The following ESRRB variants were observed in gnomAD, a reference collection of about 807,000 sequenced individuals.
ESRRB encodes estrogen related receptor beta.
A neutral mutation model predicts 46.0 loss-of-function variants in ESRRB; 16 were observed. That is an observed-to-expected ratio of 0.35 (90% CI 0.24 to 0.53). ESRRB has a LOEUF of 0.53. Ranked by LOEUF, ESRRB falls within the 20% of genes least tolerant of loss-of-function variation. ESRRB has a pLI of 0.93. For synonymous variants in ESRRB, 246 were observed against 259.6 expected (o/e 0.95, Z 0.50); for missense variants, 488 against 607.4 (o/e 0.80, Z 2.07).
chr14:76,439,897 C>A lies in ESRRB; in HGVS notation c.460+147C>A, dbSNP rs1320933668. 6.0e-6 allele frequency: 5 copies of A among 833,796 alleles called. No individual in the cohort carries two copies. The East Asian group carries it at 1.3e-4, about 22-fold the overall frequency. 51.6% of individuals were successfully genotyped at this position (833,796 alleles called of 1,614,324 possible). A position where few individuals can be genotyped will look rare whatever the true frequency, so the allele number is the denominator to read the frequency against. ...CTTCTGTGGGGCGCCTTTTCCCTTG[C>A]TCAGGGCTTCTCATTCTGGCACTGG... On this transcript the variant is annotated intron_variant, in intron 2 of 6. Transcript: ENST00000644823.
At chr14:76,355,424 TC>T (rs989366985) in intron 1 of ESRRB, among the ~76,000 whole-genome samples, 1 of 151,872 alleles carries the variant, frequency 6.6e-6, no homozygotes, top group African/African-American at 2.4e-5. Context: ...GCCTCACCAC[TC>T]CCTCTTGGGC....
chr14:76,430,979 A>C (rs1887415723), intron 1 of ESRRB, among the ~76,000 whole-genome samples: 1 of 152,186 alleles, frequency 6.6e-6, no homozygotes, highest in South Asian at 2.1e-4. Context: ...TAGTGTGGGA[A>C]AGATCCTTGA....
At chr14:76,377,363 T>G (rs1388620327) in intron 1 of ESRRB, among the ~76,000 whole-genome samples, 1 of 152,052 alleles carries the variant, frequency 6.6e-6, no homozygotes, top group Non-Finnish European at 1.5e-5. Context: ...CACCTACGGT[T>G]TCCCTCCCGA....
upstream of ESRRB, among the ~76,000 whole-genome samples, chr14:76,370,088 G>A (rs1442299115): frequency 6.6e-6 from 1 of 152,108 alleles, no homozygotes; most frequent in African/African-American, 2.4e-5. Flanking sequence ...AATCAACTAT[G>A]TATGCTCAAA....
At chr14:76,453,447 T>C (rs529638978) in intron 2 of ESRRB, among the ~76,000 whole-genome samples, 123 of 152,200 alleles carry the variant, frequency 8.1e-4, no homozygotes, top group Non-Finnish European at 1.5e-3. Context: ...GATGACTCTG[T>C]GAAAAAAACA....
chr14:76,445,692 T>TA (rs1477957466), intron 2 of ESRRB, among the ~76,000 whole-genome samples: 1 of 150,394 alleles, frequency 6.6e-6, no homozygotes, highest in East Asian at 1.9e-4. Flanking sequence ...ATCTTTTTTT[T>TA]TTTTTTTTTT....
At chr14:76,464,062 T>C (rs1478689246) in intron 3 of ESRRB, among the ~76,000 whole-genome samples, 2 of 152,190 alleles carry the variant, frequency 1.3e-5, no homozygotes, top group Admixed American at 1.3e-4. Flanking sequence ...CGTGAGTGTA[T>C]GTGTTTCCCT....
Position 76,501,091 on chromosome 14 carries a change from C to A in ESRRB, c.*2633C>A, listed in dbSNP as rs1566622091. Reference sequence around the variant, plus strand: ...GTGAAGTGAGGAGAGTTTAGGGGAACCTTCCCCCAGTGGAACAGATCTCAA... The same window carrying A: ...GTGAAGTGAGGAGAGTTTAGGGGAAACTTCCCCCAGTGGAACAGATCTCAA... On this transcript the variant is annotated 3_prime_UTR_variant, in exon 7 of 7. Transcript: ENST00000644823. The A allele has an allele frequency of 9.9e-6, 3 of 302,514 alleles. No individual in the cohort carries two copies. The highest frequency in any genetic ancestry group is 6.2e-6 in the Non-Finnish European group (1 of 160,558). 18.7% of individuals were successfully genotyped at this position (302,514 alleles called of 1,614,324 possible).
intron 1 of ESRRB, among the ~76,000 whole-genome samples, chr14:76,355,241 A>T (rs1459235790): frequency 6.6e-6 from 1 of 152,182 alleles, no homozygotes; most frequent in Non-Finnish European, 1.5e-5. Flanking sequence ...AGGGACAGCT[A>T]CCAGGGCTGG....
chr14:76,383,771 T>C (rs1168684386), intron 1 of ESRRB, among the ~76,000 whole-genome samples: 8 of 152,122 alleles, frequency 5.3e-5, no homozygotes, highest in Admixed American at 2.0e-4. Flanking sequence ...ATGCCTATAA[T>C]TGGCCCCCCT....
At chr14:76,456,373 C>T (rs1888615123) in intron 2 of ESRRB, among the ~76,000 whole-genome samples, 1 of 152,086 alleles carries the variant, frequency 6.6e-6, no homozygotes, top group Non-Finnish European at 1.5e-5. Flanking sequence ...ATAAACTTGT[C>T]TGGGAAAGTT....
chr14:76,379,182 A>G (rs1038846024), intron 1 of ESRRB, among the ~76,000 whole-genome samples: 2 of 152,158 alleles, frequency 1.3e-5, no homozygotes, highest in African/African-American at 2.4e-5. Context: ...TCCTGTAGCC[A>G]ATCCTGTAGG....
chr14:76,333,068 ATATTATATATATTAT>A lies in ESRRB; in HGVS notation c.2+22154_2+22168del, dbSNP rs1884062694. ...TTATATATTATATATTATATATTAT[ATATTATATATATTAT>A]TTATATTATATATTATATATAATAT... On this transcript the variant is annotated intron_variant, in intron 1 of 6. Coordinates refer to the ESRRB transcript ENST00000512784. 3.4e-4 allele frequency among the ~76,000 whole-genome samples: 4 copies of A among 11,650 alleles called. 1 individual carries two copies. The highest frequency in any genetic ancestry group is 8.1e-4 in the African/African-American group (3 of 3,700). The allele number at this position is 11,650 out of a possible 152,430, so 7.6% of individuals were successfully genotyped here. A position where few individuals can be genotyped will look rare whatever the true frequency, so the allele number is the denominator to read the frequency against.
chr14:76,387,720 C>A (rs1885296971), intron 1 of ESRRB, among the ~76,000 whole-genome samples: 1 of 152,210 alleles, frequency 6.6e-6, no homozygotes, highest in Non-Finnish European at 1.5e-5. Context: ...GTGCAGCCAG[C>A]ACCATTTTCA....
intron 1 of ESRRB, among the ~76,000 whole-genome samples, chr14:76,415,294 C>T (rs1886649067): frequency 6.6e-6 from 1 of 152,126 alleles, no homozygotes; most frequent in Non-Finnish European, 1.5e-5. Context: ...GGAGAGTGAA[C>T]TTTATAGAAG....
chr14:76,367,490 A>G (rs776857184), upstream of ESRRB, among the ~76,000 whole-genome samples: 6 of 151,668 alleles, frequency 4.0e-5, no homozygotes, highest in Non-Finnish European at 5.9e-5. Flanking sequence ...CTGGGAAGTC[A>G]AGGCTGCAGT....
chr14:76,374,108 G>A (rs754723084), upstream of ESRRB, among the ~76,000 whole-genome samples: 2 of 152,046 alleles, frequency 1.3e-5, no homozygotes, highest in African/African-American at 2.4e-5. Flanking sequence ...GCAGGCTGTG[G>A]CACCCCACTC....
intron 1 of ESRRB, among the ~76,000 whole-genome samples, chr14:76,413,564 C>T (rs1886531943): frequency 6.6e-6 from 1 of 152,290 alleles, no homozygotes; most frequent in South Asian, 2.1e-4. Flanking sequence ...GAGGGTTAGA[C>T]ACTCCTCTGC....
chr14:76,457,863 C>T (rs1327130994), intron 2 of ESRRB, among the ~76,000 whole-genome samples: 7 of 151,990 alleles, frequency 4.6e-5, no homozygotes, highest in Non-Finnish European at 8.8e-5. Context: ...TTGGTAGAGA[C>T]GGGGTTTCAC....
Sources: gnomAD v4.1 joint callset for allele counts (sites outside exome capture counted in the v4.1 genomes callset) on GRCh38, gnomAD v4.1.1 for gene constraint, MANE v1.5 for transcripts, NCBI Gene and HGNC (gene_info 2026-07-23, HGNC 2026-07-21) for gene names.